Variants in CDKAL1 observed in about 807,000 individuals in gnomAD.
The protein encoded by CDKAL1 is CDKAL1 threonylcarbamoyladenosine tRNA methylthiotransferase.
A neutral mutation model predicts 68.2 loss-of-function variants in CDKAL1; 32 were observed. That is an observed-to-expected ratio of 0.47 (90% CI 0.35 to 0.63). The LOEUF is 0.63. Ranked by LOEUF, CDKAL1 falls within the 30% of genes least tolerant of loss-of-function variation. The probability of loss-of-function intolerance (pLI) is 0.00; values close to 1 mark genes in which losing one functional copy is unlikely to be tolerated. For missense variants in CDKAL1, 606 were observed against 696.7 expected (o/e 0.87, Z 1.47); for synonymous variants, 234 against 244.3 (o/e 0.96, Z 0.39).
chr6:20,792,452 G>T (rs1489684751), intron 8 of CDKAL1, among the ~76,000 whole-genome samples: 2 of 152,080 alleles, frequency 1.3e-5, no homozygotes, highest in South Asian at 4.1e-4. Context: ...GATCATATAG[G>T]TTTACAAAGT....
chr6:21,171,407 G>T lies in CDKAL1; in HGVS notation c.1300-26614G>T, dbSNP rs375883815. Among the ~76,000 whole-genome samples the T allele has an allele frequency of 5.9e-5, 9 of 151,918 alleles. No individual in the cohort carries two copies. In the East Asian group the frequency reaches 1.6e-3, roughly 26 times the overall value. On this transcript the variant is annotated intron_variant, in intron 13 of 15. Coordinates refer to ENST00000274695, the MANE Select transcript of CDKAL1 (RefSeq NM_017774.3). ...TTTGTATTTTTTTAGTAGAGATGGG[G>T]TTCACCATGTTAGCCAGGCTGGTCT...
At chr6:20,655,185 A>G (rs1272702272) in intron 5 of CDKAL1, among the ~76,000 whole-genome samples, 5 of 152,160 alleles carry the variant, frequency 3.3e-5, no homozygotes, top group Admixed American at 1.3e-4. Context: ...TGTACTTTAT[A>G]TTTTTATACT....
chr6:20,574,499 G>A (rs1003297974), intron 4 of CDKAL1, among the ~76,000 whole-genome samples: 1 of 152,080 alleles, frequency 6.6e-6, no homozygotes, highest in African/African-American at 2.4e-5. Flanking sequence ...TTACTTTAGA[G>A]GACTGTTTAC....
chr6:21,046,046 A>G (rs1561986454), intron 11 of CDKAL1, among the ~76,000 whole-genome samples: 2 of 152,280 alleles, frequency 1.3e-5, no homozygotes, highest in South Asian at 2.1e-4. Flanking sequence ...GGCAGCTTAC[A>G]TGACCTTTCT....
intron 5 of CDKAL1, among the ~76,000 whole-genome samples, chr6:20,737,949 A>G (rs140581545): frequency 6.6e-6 from 1 of 152,322 alleles, no homozygotes; most frequent in African/African-American, 2.4e-5. Flanking sequence ...AAAGAGCCCA[A>G]TTTTTTGTTG....
intron 13 of CDKAL1, among the ~76,000 whole-genome samples, chr6:21,163,710 G>A (rs1777021930): frequency 6.6e-6 from 1 of 152,118 alleles, no homozygotes; most frequent in Non-Finnish European, 1.5e-5. Context: ...CAGCACTTCA[G>A]GAGGCCGAGA....
At chr6:20,637,225 TAG>T (rs1323929169) in intron 4 of CDKAL1, among the ~76,000 whole-genome samples, 2 of 151,924 alleles carry the variant, frequency 1.3e-5, no homozygotes, top group Admixed American at 6.6e-5. Context: ...AGCTCGTGCA[TAG>T]AGAGAGTTCT....
chr6:21,000,220 T>A lies in CDKAL1; in HGVS notation c.910-7T>A. The A allele has an allele frequency of 6.2e-7, 1 of 1,608,114 alleles. No individual in the cohort carries two copies. The highest frequency in any genetic ancestry group is 1.1e-5 in the South Asian group (1 of 89,632). On this transcript the variant is annotated splice_region_variant and splice_polypyrimidine_tract_variant and intron_variant, in intron 10 of 15. Transcript: ENST00000274695. ...TGATTAGTGTTTTCTCCTTCCATTT[T>A]TTTAAGGAAATGGCAAAAATCCTTA... is the stretch of plus-strand genomic sequence containing the variant.
intron 13 of CDKAL1, among the ~76,000 whole-genome samples, chr6:21,160,400 T>G (rs1323449487): frequency 6.6e-6 from 1 of 151,560 alleles, no homozygotes; most frequent in Non-Finnish European, 1.5e-5. Context: ...CGGGTTCAAG[T>G]GATTCTTCTG....
At chr6:20,906,819 A>G (rs992277223) in intron 9 of CDKAL1, among the ~76,000 whole-genome samples, 3 of 152,190 alleles carry the variant, frequency 2.0e-5, no homozygotes, top group African/African-American at 7.2e-5. Context: ...CCTTCTTATC[A>G]GTCAGAGTCT....
rs577476264 is a variant in CDKAL1, at chr6:20,861,321, G to A, written c.742+15143G>A. ...TGAAGATTAAATGGGAGAAGGTCCC[G>A]TCTGATTAACTGAATGGGTTCTGTT... On this transcript the variant is annotated intron_variant, in intron 9 of 15. Coordinates refer to ENST00000274695, the MANE Select transcript of CDKAL1 (RefSeq NM_017774.3). Among the ~76,000 whole-genome samples, 8 of 152,328 alleles carry A rather than the reference G, an allele frequency of 5.3e-5. No homozygotes were observed. The South Asian group carries it at 1.0e-3, about 20-fold the overall frequency.
At chr6:20,611,888 G>A (rs543982608) in intron 4 of CDKAL1, among the ~76,000 whole-genome samples, 3 of 152,104 alleles carry the variant, frequency 2.0e-5, no homozygotes, top group African/African-American at 7.2e-5. Flanking sequence ...CCAGTCTCTC[G>A]TTATCCCTCC....
intron 5 of CDKAL1, among the ~76,000 whole-genome samples, chr6:20,721,725 G>GTTTTTTTTTTTTTTTT (rs145893325): frequency 2.7e-4 from 18 of 67,376 alleles, no homozygotes; most frequent in Admixed American, 4.6e-4. Context: ...ACCAACTTCT[G>GTTTTTTTTTTTTTTTT]TTTTTTTTTT....
At chr6:20,599,214 AG>A (rs1765975108) in intron 4 of CDKAL1, among the ~76,000 whole-genome samples, 1 of 151,488 alleles carries the variant, frequency 6.6e-6, no homozygotes, top group South Asian at 2.1e-4. Context: ...ACATATTATA[AG>A]TTTTTTCTTT....
chr6:20,935,049 A>C (rs9350300), intron 9 of CDKAL1, among the ~76,000 whole-genome samples: 136,906 of 151,898 alleles, frequency 0.9, 61,805 homozygotes, highest in East Asian at 1. Flanking sequence ...GCACGTGCCA[A>C]CACACCCAGC....
intron 11 of CDKAL1, among the ~76,000 whole-genome samples, chr6:21,034,769 C>CT (rs1329043961): frequency 3.3e-5 from 5 of 152,158 alleles, no homozygotes; most frequent in Non-Finnish European, 5.9e-5. Flanking sequence ...ATAATCTAGT[C>CT]TCAGCAAATT....
At position 21,198,043 on chromosome 6, in the gene CDKAL1, T is replaced by G; in HGVS notation, c.1322T>G (p.Leu441Ter). Residue 441 changes from leucine (L) to a stop codon, truncating the protein, a stop_gained, in exon 14 of 16, where the codon TTA becomes TGA. Transcript: ENST00000274695. LOFTEE classifies it high-confidence loss of function. The part of the protein sequence containing the change: ...DHKIGERQQV[L>*]VTEESFDSKF... ...CAGATTGGTGAAAGACAACAAGTGT[T>G]AGTAACAGAAGAATCTTTTGATTCC... is the stretch of plus-strand genomic sequence containing the variant. 6.2e-7 allele frequency: 1 copy of G among 1,605,210 alleles called. No individual in the cohort carries two copies. Among genetic ancestry groups the G allele is most frequent in the Non-Finnish European group, 8.5e-7 (1 of 1,175,232 alleles).
At chr6:21,075,283 G>A (rs7766728) in intron 12 of CDKAL1, among the ~76,000 whole-genome samples, 9 of 146,956 alleles carry the variant, frequency 6.1e-5, no homozygotes, top group South Asian at 2.1e-4. Context: ...TACTCTCCCC[G>A]TCATATTTAC....
intron 15 of CDKAL1, among the ~76,000 whole-genome samples, chr6:21,218,874 G>T (rs185195997): frequency 2.6e-5 from 4 of 152,204 alleles, no homozygotes; most frequent in Non-Finnish European, 5.9e-5. Flanking sequence ...AATACCAGGA[G>T]GCGAGGCTCA....
Sources: allele counts gnomAD v4.1 joint callset (sites outside exome capture counted in the v4.1 genomes callset), GRCh38; gene constraint gnomAD v4.1.1; transcripts MANE v1.5; gene names NCBI Gene and HGNC (gene_info 2026-07-23, HGNC 2026-07-21).